CYP2C19: variants seen among roughly 807,000 people sequenced by gnomAD.
CYP2C19 encodes cytochrome P450 2C19.
A neutral mutation model predicts 40.9 loss-of-function variants in CYP2C19; 59 were observed. That is an observed-to-expected ratio of 1.44 (90% CI 1.17 to 1.79). The LOEUF (loss-of-function observed/expected upper bound fraction) is 1.79. CYP2C19 is among the 40% of genes most tolerant of loss of function. The pLI is 0.00. For synonymous variants in CYP2C19, 253 were observed against 208.7 expected (o/e 1.21, Z -1.83); for missense variants, 754 against 596.9 (o/e 1.26, Z -2.74).
At chr10:94,829,492 G>A (rs964838823) in intron 6 of CYP2C19, among the ~76,000 whole-genome samples, 6 of 152,148 alleles carry the variant, frequency 3.9e-5, no homozygotes, top group Admixed American at 3.3e-4. Context: ...TCGAGCCTTG[G>A]TTTTCAGCTC....
intron 1 of CYP2C19, among the ~76,000 whole-genome samples, chr10:94,766,184 G>T (rs750953359): frequency 6.6e-6 from 1 of 152,084 alleles, no homozygotes; most frequent in Non-Finnish European, 1.5e-5. Flanking sequence ...ATAAGCAGAG[G>T]TTGATAGATA....
intron 6 of CYP2C19, among the ~76,000 whole-genome samples, chr10:94,836,721 C>T (rs1433186711): frequency 6.6e-6 from 1 of 152,186 alleles, no homozygotes; most frequent in African/African-American, 2.4e-5. Flanking sequence ...AATTTTAGCC[C>T]TAAGCATTTA....
intron 5 of CYP2C19, among the ~76,000 whole-genome samples, chr10:94,789,874 T>C (rs1397214124): frequency 6.6e-6 from 1 of 152,194 alleles, no homozygotes; most frequent in African/African-American, 2.4e-5. Context: ...TTTTGAATTC[T>C]GTGAAGAAAC....
intron 4 of CYP2C19, among the ~76,000 whole-genome samples, chr10:94,781,470 C>T (rs1285674334): frequency 6.6e-6 from 1 of 152,056 alleles, no homozygotes; most frequent in Non-Finnish European, 1.5e-5. Context: ...TTAACCTATG[C>T]TATCATCTCC....
At chr10:94,848,871 C>G (rs1442544344) in intron 7 of CYP2C19, among the ~76,000 whole-genome samples, 2 of 152,134 alleles carry the variant, frequency 1.3e-5, no homozygotes, top group Non-Finnish European at 2.9e-5. Context: ...TGATTTGGCT[C>G]TCTGTTTGTC....
chr10:94,804,034 G>A (rs1004768668), intron 5 of CYP2C19, among the ~76,000 whole-genome samples: 1 of 152,100 alleles, frequency 6.6e-6, no homozygotes, highest in Admixed American at 6.6e-5. Context: ...AGCACAGAGG[G>A]TCCTTCTGGA....
Position 94,775,047 on chromosome 10 carries a change from T to C in CYP2C19, c.169-11T>C, listed in dbSNP as rs1009854414. On this transcript the variant is annotated splice_polypyrimidine_tract_variant and intron_variant, in intron 1 of 8. Transcript: ENST00000371321. ...GACTTCATTTGCTGTTAACTGTATC[T>C]CCTTTTCTAGCTCTCAAAAATCTAT... 1 of 1,613,618 alleles carries C rather than the reference T, an allele frequency of 6.2e-7. No individual in the cohort carries two copies.
In CYP2C19 at chr10:94,780,594, C is replaced by A; in HGVS notation, c.577C>A (p.Gln193Lys). 3 of 1,613,832 alleles carry A rather than the reference C, an allele frequency of 1.9e-6. No individual in the cohort carries two copies. The highest frequency in any genetic ancestry group is 2.5e-6 in the Non-Finnish European group (3 of 1,179,922). The change falls in exon 4 of 9, where the codon CAA (glutamine) becomes AAA (lysine). Residue 193 changes from glutamine (Q) to lysine (K), a missense_variant. Coordinates refer to ENST00000371321, the MANE Select transcript of CYP2C19 (RefSeq NM_000769.4). The part of the protein sequence containing the change: ...FQKRFDYKDQ[Q>K]FLNLMEKLNE... ...GAAACGTTTCGATTATAAAGATCAGCAATTTCTTAACTTGATGGAAAAATT... is the reference window on the plus strand; with the variant it reads ...GAAACGTTTCGATTATAAAGATCAGAAATTTCTTAACTTGATGGAAAAATT...
At chr10:94,820,448 A>G (rs754335827) in intron 5 of CYP2C19, 48 bp from the exon 6 acceptor site, 2 of 1,604,942 alleles carry the variant, frequency 1.2e-6, no homozygotes, top group South Asian at 2.2e-5. Context: ...CTGTCATCAA[A>G]TATGCTGTTA....
At position 94,854,152 on chromosome 10, in the gene CYP2C19, G is replaced by T. The variant is rs1431755704; in HGVS notation, c.*1238G>T. ...TCCTGCCTCAGCCCCCCAAGTAGCT[G>T]GGATTACAGGTGCCTACCACCACAC... On this transcript the variant is annotated 3_prime_UTR_variant, in exon 9 of 9. Coordinates refer to ENST00000371321, the MANE Select transcript of CYP2C19 (RefSeq NM_000769.4). Among the ~76,000 whole-genome samples the T allele has an allele frequency of 6.6e-6, 1 of 151,790 alleles. No individual in the cohort carries two copies. The highest frequency in any genetic ancestry group is 1.5e-5 in the Non-Finnish European group (1 of 67,958).
At position 94,803,094 on chromosome 10, in the gene CYP2C19, A is replaced by C. The variant is rs111331189; in HGVS notation, c.820-17402A>C. Among the ~76,000 whole-genome samples the C allele has an allele frequency of 3.1e-3, 474 of 151,834 alleles. 3 individuals are homozygous for C. Among genetic ancestry groups the C allele is most frequent in the African/African-American group, 0.011 (451 of 41,406 alleles). On this transcript the variant is annotated intron_variant, in intron 5 of 8. Coordinates refer to ENST00000371321, the MANE Select transcript of CYP2C19 (RefSeq NM_000769.4). Reference sequence around the variant, plus strand: ...ATTTATTTAGGGTTCATTGCTGGGGAGTTAGTGTGGTCTTTTGGTGGTTTT... The same window carrying C: ...ATTTATTTAGGGTTCATTGCTGGGGCGTTAGTGTGGTCTTTTGGTGGTTTT...
chr10:94,801,187 G>A (rs1420259279), intron 5 of CYP2C19, among the ~76,000 whole-genome samples: 1 of 152,210 alleles, frequency 6.6e-6, no homozygotes, highest in Admixed American at 6.5e-5. Context: ...GTCATGTTAG[G>A]ATGCTGATTT....
chr10:94,837,502 G>A (rs1280239588), intron 6 of CYP2C19, among the ~76,000 whole-genome samples: 2 of 152,128 alleles, frequency 1.3e-5, no homozygotes, highest in Non-Finnish European at 2.9e-5. Context: ...CCCTGGTTTT[G>A]CTAGAATGTC....
chr10:94,787,192 T>A (rs1336224412), intron 5 of CYP2C19, among the ~76,000 whole-genome samples: 1 of 152,144 alleles, frequency 6.6e-6, no homozygotes, highest in Non-Finnish European at 1.5e-5. Flanking sequence ...ATATCCATTC[T>A]GACTGGTATG....
chr10:94,848,088 C>T (rs1849599620), intron 7 of CYP2C19, among the ~76,000 whole-genome samples: 1 of 152,140 alleles, frequency 6.6e-6, no homozygotes, highest in South Asian at 2.1e-4. Flanking sequence ...TTTATTAGAT[C>T]CCATTTGTCA....
intron 5 of CYP2C19, among the ~76,000 whole-genome samples, chr10:94,794,917 G>A (rs1341268607): frequency 6.6e-6 from 1 of 151,890 alleles, no homozygotes; most frequent in Admixed American, 6.6e-5. Flanking sequence ...CTGCCTGATT[G>A]CCCTGGCCAG....
At chr10:94,802,913 C>A (rs1428995387) in intron 5 of CYP2C19, among the ~76,000 whole-genome samples, 1 of 151,916 alleles carries the variant, frequency 6.6e-6, no homozygotes, top group Non-Finnish European at 1.5e-5. Context: ...GAATATTGGC[C>A]CTCACTCTCT....
At chr10:94,791,319 C>T (rs977466027) in intron 5 of CYP2C19, among the ~76,000 whole-genome samples, 39 of 152,224 alleles carry the variant, frequency 2.6e-4, no homozygotes, top group African/African-American at 8.7e-4. Context: ...AAAAAACCAG[C>T]TCCTGGATTC....
chr10:94,787,063 G>A lies in CYP2C19; in HGVS notation c.819+5066G>A, dbSNP rs187478993. On this transcript the variant is annotated intron_variant, in intron 5 of 8. Coordinates refer to ENST00000371321, the MANE Select transcript of CYP2C19 (RefSeq NM_000769.4). ...GATAATTTTGTTTTTAGTTCTTTGA[G>A]AAATTTCCAAACTGCTTTCCATAGT... is the stretch of plus-strand genomic sequence containing the variant. 4.5e-3 allele frequency among the ~76,000 whole-genome samples: 682 copies of A among 152,234 alleles called. 6 individuals are homozygous for A. Among genetic ancestry groups the A allele is most frequent in the South Asian group, 0.02 (98 of 4,826 alleles).
Sources: gnomAD v4.1 joint callset for allele counts (sites outside exome capture counted in the v4.1 genomes callset) on GRCh38, gnomAD v4.1.1 for gene constraint, MANE v1.5 for transcripts, NCBI Gene and HGNC (gene_info 2026-07-23, HGNC 2026-07-21) for gene names.